SAMD11: variants seen among roughly 807,000 people sequenced by gnomAD.
The protein encoded by SAMD11 is sterile alpha motif domain-containing protein 11.
In SAMD11, 77 loss-of-function variants were observed where a neutral mutation model predicts 64.4. That is an observed-to-expected ratio of 1.20 (90% CI 0.99 to 1.44). The LOEUF is 1.44. Ranked by LOEUF, SAMD11 falls within the 40% of genes most tolerant of loss-of-function variation. The pLI, the probability that SAMD11 is intolerant of heterozygous loss-of-function variation, is 0.00. For missense variants in SAMD11, 1,402 were observed against 943.3 expected, an observed-to-expected ratio of 1.49 and a Z score of -6.37; for synonymous variants, 658 against 421.9, an observed-to-expected ratio of 1.56 and a Z score of -6.86.
At chr1:939,538 CCTG>C in intron 7 of SAMD11, 126 bp downstream of exon 7, 1 of 1,520,816 alleles carries the variant, frequency 6.6e-7, no homozygotes, top group Non-Finnish European at 8.9e-7. Flanking sequence ...TTGCTGAGGC[CCTG>C]CTGACACCAA....
intron 2 of SAMD11, among the ~76,000 whole-genome samples, chr1:928,624 G>T (rs1641022723): frequency 6.6e-6 from 1 of 152,254 alleles, no homozygotes; most frequent in African/African-American, 2.4e-5. Flanking sequence ...GGTGTTGGGG[G>T]CAGCCCAGGG....
At chr1:935,923 G>A (rs778731978) in intron 5 of SAMD11, 27 bp downstream of exon 5, 3 of 1,607,426 alleles carry the variant, frequency 1.9e-6, no homozygotes, top group Non-Finnish European at 2.5e-6. Context: ...GCCTGAGGGC[G>A]GGGTCGGGGC....
At chr1:935,946 G>A (rs937962891) in intron 5 of SAMD11, 50 bp downstream of exon 5, 1 of 1,579,764 alleles carries the variant, frequency 6.3e-7, no homozygotes, top group Non-Finnish European at 8.6e-7. Flanking sequence ...TGGGGCCAGA[G>A]GACGGTGGCG....
At position 932,977 on chromosome 1, in the gene SAMD11, G is replaced by A. The variant is rs558086547; in HGVS notation, c.842+1888G>A. 1.4e-4 allele frequency among the ~76,000 whole-genome samples: 22 copies of A among 152,308 alleles called. No individual in the cohort carries two copies. In the South Asian group the frequency reaches 3.7e-3, roughly 26 times the overall value. On this transcript the variant is annotated intron_variant, in intron 4 of 13. Coordinates refer to ENST00000616016, the MANE Select transcript of SAMD11 (RefSeq NM_001385641.1). ...AGGGGCGGTGGCGGGAGGCCCATGC[G>A]TGGGCAGCTGGGGTCACACCTGCCA...
intron 4 of SAMD11, among the ~76,000 whole-genome samples, chr1:935,110 T>C (rs1029065167): frequency 1.3e-5 from 2 of 151,914 alleles, no homozygotes; most frequent in African/African-American, 2.4e-5. Context: ...TCTGTGGATG[T>C]GGGATTGGGC....
chr1:936,574 A>G (rs1641463770), intron 5 of SAMD11, among the ~76,000 whole-genome samples: 1 of 152,096 alleles, frequency 6.6e-6, no homozygotes, highest in Non-Finnish European at 1.5e-5. Context: ...AGAGGGGCAC[A>G]GCAGAGCCTC....
chr1:943,452 G>GGGT, intron 12 of SAMD11, 75 bp downstream of exon 12: 1 of 1,314,870 alleles, frequency 7.6e-7, no homozygotes, highest in Non-Finnish European at 1.0e-6. Context: ...AAGGATGGTG[G>GGGT]GGTAGGGCCA....
chr1:929,903 C>T (rs775306118), intron 2 of SAMD11, among the ~76,000 whole-genome samples: 52 of 152,324 alleles, frequency 3.4e-4, no homozygotes, highest in Non-Finnish European at 6.5e-4. Context: ...CCAACTGCGG[C>T]CCCGTCTCTC....
rs1280020849 is a variant in SAMD11 at position 942,905 on chromosome 1, G to A, written c.1900G>A (p.Gly634Arg). ...SEDEPPKDSD[G>R]EDPETAAVGC... is the part of the protein sequence containing the mutation. ...AGACGAGCCCCCCAAAGACTCGGAC[G>A]GAGAGGACCCCGAGACGGCAGCTGT... Residue 634 changes from glycine to arginine, a missense_variant, in exon 11 of 14, where the codon GGA (glycine) becomes AGA (arginine). Physicochemically the swap from Gly to Arg is moderately radical, Grantham distance 125 (BLOSUM62 -2). Transcript: ENST00000616016. 3.2e-6 allele frequency: 5 copies of A among 1,555,986 alleles called. No individual in the cohort carries two copies. The highest frequency in any genetic ancestry group is 2.4e-5 in the East Asian group (1 of 41,894).
At chr1:942,307 C>A in intron 9 of SAMD11, 56 bp downstream of exon 9, 1 of 1,046,858 alleles carries the variant, frequency 9.6e-7, no homozygotes. Flanking sequence ...GCGGACCCGG[C>A]CCTGCCCCTG....
chr1:942,920 A>G lies in SAMD11; in HGVS notation c.1915A>G (p.Thr639Ala). 1.3e-6 allele frequency: 2 copies of G among 1,554,884 alleles called. No homozygotes were observed. The highest frequency in any genetic ancestry group is 1.7e-6 in the Non-Finnish European group (2 of 1,150,326). ...AGACTCGGACGGAGAGGACCCCGAGACGGCAGCTGTTGGGTGCAGGGGGCC... is the reference window on the plus strand; with the variant it reads ...AGACTCGGACGGAGAGGACCCCGAGGCGGCAGCTGTTGGGTGCAGGGGGCC... ...PKDSDGEDPE[T>A]AAVGCRGPTP... The change falls in exon 11 of 14, where the codon ACG (threonine) becomes GCG (alanine). Residue 639 changes from threonine (T) to alanine (A), a missense_variant. Physicochemically the swap from Thr to Ala is moderately conservative, Grantham distance 58 (BLOSUM62 0). Transcript: ENST00000616016.
chr1:933,924 G>T, intron 4 of SAMD11, among the ~76,000 whole-genome samples: 1 of 152,106 alleles, frequency 6.6e-6, no homozygotes. Context: ...GCTATTTAAC[G>T]AGGTTTAGGG....
chr1:936,408 CT>C (rs1355861160), intron 5 of SAMD11, among the ~76,000 whole-genome samples: 2 of 145,228 alleles, frequency 1.4e-5, no homozygotes, highest in African/African-American at 5.6e-5. Context: ...CCTCCTAGGG[CT>C]CCTGGACGGA....
intron 4 of SAMD11, among the ~76,000 whole-genome samples, chr1:933,248 A>G (rs569712546): frequency 1.3e-5 from 2 of 152,284 alleles, no homozygotes. Flanking sequence ...TTTACATAAA[A>G]CTGGCATAAC....
intron 4 of SAMD11, among the ~76,000 whole-genome samples, chr1:931,641 G>A (rs1020105464): frequency 3.9e-5 from 6 of 152,302 alleles, no homozygotes; most frequent in Non-Finnish European, 7.4e-5. Context: ...TGTGGGCACC[G>A]TCCTCCAGGC....
Position 938,186 on chromosome 1 carries a change from G to A in SAMD11, c.968-854G>A, listed in dbSNP as rs750386230. ...GGTGTGGTCTGGAATGGGTGCGGTC[G>A]GCAGGACCCAAGGGAGGACCTCAGG... On this transcript the variant is annotated intron_variant, in intron 5 of 13. Coordinates refer to ENST00000616016, the MANE Select transcript of SAMD11 (RefSeq NM_001385641.1). 4.7e-4 allele frequency among the ~76,000 whole-genome samples: 72 copies of A among 152,160 alleles called. 1 individual carries two copies. Among genetic ancestry groups the A allele is most frequent in the South Asian group, 4.1e-4 (2 of 4,828 alleles).
At chr1:927,073 A>G (rs574002301) in intron 2 of SAMD11, among the ~76,000 whole-genome samples, 1 of 152,252 alleles carries the variant, frequency 6.6e-6, no homozygotes, top group East Asian at 1.9e-4. Flanking sequence ...CATGTTGGGC[A>G]GGGGAAGGGG....
At chr1:933,271 T>C (rs1242379596) in intron 4 of SAMD11, among the ~76,000 whole-genome samples, 1 of 152,142 alleles carries the variant, frequency 6.6e-6, no homozygotes, top group East Asian at 1.9e-4. Context: ...GCTCACTGAG[T>C]GGCCAAGTGA....
chr1:926,054 C>T (rs777112247), intron 2 of SAMD11, 41 bp downstream of exon 2: 44 of 1,575,826 alleles, frequency 2.8e-5, no homozygotes, highest in African/African-American at 9.4e-5. Flanking sequence ...GTTACTCTCC[C>T]CTGCGGAGCT....
Sources: allele counts gnomAD v4.1 joint callset (sites outside exome capture counted in the v4.1 genomes callset), GRCh38; gene constraint gnomAD v4.1.1; transcripts MANE v1.5; gene names NCBI Gene and HGNC (gene_info 2026-07-23, HGNC 2026-07-21).